Variants in MED12L observed in about 807,000 individuals in gnomAD.
MED12L encodes the protein mediator complex subunit 12L.
MED12L carries 60 observed loss-of-function variants against 281.3 expected under a neutral mutation model. The observed-to-expected ratio is 0.21, with a 90% CI of 0.17 to 0.26. The LOEUF (loss-of-function observed/expected upper bound fraction) is 0.26. Among genes scored for constraint, MED12L ranks in the 10% least tolerant of loss-of-function variants. The pLI, the probability that MED12L is intolerant of heterozygous loss-of-function variation, is 1.00. For synonymous variants in MED12L, 974 were observed against 987.2 expected (o/e 0.99, Z 0.25); for missense variants, 2,146 against 2,680.9 (o/e 0.80, Z 4.41).
chr3:151,313,112 T>TA (rs1333916158), intron 16 of MED12L, among the ~76,000 whole-genome samples: 1 of 152,178 alleles, frequency 6.6e-6, no homozygotes, highest in South Asian at 2.1e-4. Context: ...TTAACACCAC[T>TA]AATGAGGGGC....
rs150532538 is a variant in MED12L at position 151,281,371 on chromosome 3, C to T, written c.2251-68688C>T. On this transcript the variant is annotated intron_variant, in intron 16 of 44. Transcript: ENST00000687756. ...GTTGCAGTGAGCTGAGATTGCGCCA[C>T]TGTACTTCAGCCTGGGCAACAGAGT... is the stretch of plus-strand genomic sequence containing the variant. Among the ~76,000 whole-genome samples, 1,437 of 151,870 alleles carry T rather than the reference C, an allele frequency of 9.5e-3. 18 individuals are homozygous for T. The highest frequency in any genetic ancestry group is 0.033 in the African/African-American group (1,348 of 41,428).
At chr3:151,188,057 T>C (rs540473231) in intron 12 of MED12L, 24 of 184,910 alleles carry the variant, frequency 1.3e-4, no homozygotes, top group African/African-American at 4.2e-4. Flanking sequence ...TTTGAGTTGT[T>C]CTGGGGTAGT....
chr3:151,283,367 T>C (rs1264243800), intron 16 of MED12L, among the ~76,000 whole-genome samples: 1 of 152,252 alleles, frequency 6.6e-6, no homozygotes, highest in Non-Finnish European at 1.5e-5. Flanking sequence ...AATCAGAATT[T>C]AGAACTTTGT....
intron 43 of MED12L, among the ~76,000 whole-genome samples, chr3:151,423,387 A>G (rs1228167612): frequency 3.3e-5 from 5 of 152,180 alleles, no homozygotes; most frequent in Admixed American, 3.3e-4. Context: ...CTCAGGGCAG[A>G]AATTAGTGCT....
chr3:151,143,363 G>A (rs745453807), intron 5 of MED12L, among the ~76,000 whole-genome samples: 14 of 152,162 alleles, frequency 9.2e-5, no homozygotes, highest in Non-Finnish European at 1.8e-4. Context: ...CTATTGAAAC[G>A]TTACTCTAAC....
chr3:151,222,768 A>AT (rs985018326), intron 16 of MED12L, among the ~76,000 whole-genome samples: 14 of 152,066 alleles, frequency 9.2e-5, no homozygotes, highest in Non-Finnish European at 1.6e-4. Context: ...AGTTAGCATC[A>AT]TTTTTTTCCC....
At chr3:151,400,041 G>C (rs1183433379) in intron 39 of MED12L, among the ~76,000 whole-genome samples, 1 of 152,116 alleles carries the variant, frequency 6.6e-6, no homozygotes, top group Admixed American at 6.5e-5. Flanking sequence ...TGGCCAGGCT[G>C]GTCTCGAACT....
intron 5 of MED12L, among the ~76,000 whole-genome samples, chr3:151,130,300 C>T (rs935604551): frequency 9.2e-5 from 14 of 152,096 alleles, no homozygotes; most frequent in African/African-American, 3.1e-4. Flanking sequence ...AATTGTCATT[C>T]CTGGTATTTA....
At chr3:151,223,251 A>AT (rs1319277606) in intron 16 of MED12L, among the ~76,000 whole-genome samples, 5 of 151,918 alleles carry the variant, frequency 3.3e-5, no homozygotes, top group African/African-American at 9.7e-5. Flanking sequence ...GGGATTGTAA[A>AT]TTAGTTCAGT....
At chr3:151,293,482 A>C (rs1456431315) in intron 16 of MED12L, among the ~76,000 whole-genome samples, 1 of 151,790 alleles carries the variant, frequency 6.6e-6, no homozygotes, top group African/African-American at 2.4e-5. Flanking sequence ...CACAGAGAGG[A>C]GGCAGAAGCA....
intron 16 of MED12L, among the ~76,000 whole-genome samples, chr3:151,260,936 T>C (rs1001961646): frequency 3.9e-5 from 6 of 152,252 alleles, no homozygotes; most frequent in Middle Eastern, 6.8e-3. Context: ...GGCCTTCCAG[T>C]TTCCATCTCC....
intron 16 of MED12L, among the ~76,000 whole-genome samples, chr3:151,345,368 A>G (rs114983855): frequency 0.019 from 2,899 of 152,254 alleles, 122 homozygotes; most frequent in African/African-American, 0.066. Flanking sequence ...ACAACTGTGC[A>G]ACTTGAGGGC....
chr3:151,203,964 T>C (rs1726013407), intron 16 of MED12L, among the ~76,000 whole-genome samples: 1 of 152,222 alleles, frequency 6.6e-6, no homozygotes, highest in African/African-American at 2.4e-5. Flanking sequence ...ATTAATAGAT[T>C]GTGTGTAAAG....
chr3:151,301,243 G>A (rs1023059797), intron 16 of MED12L, among the ~76,000 whole-genome samples: 12 of 152,112 alleles, frequency 7.9e-5, no homozygotes, highest in Admixed American at 3.3e-4. Context: ...AATGACTGAC[G>A]CAGTTAATTT....
At chr3:151,197,030 T>G (rs1724756416) in intron 16 of MED12L, among the ~76,000 whole-genome samples, 1 of 152,222 alleles carries the variant, frequency 6.6e-6, no homozygotes, top group Admixed American at 6.5e-5. Flanking sequence ...TCTAAATTTT[T>G]CCAATATTCT....
rs572242322 is a variant in MED12L, at chr3:151,403,698, G to A, written c.5821-5545G>A. Among the ~76,000 whole-genome samples, 93 of 152,182 alleles carry A rather than the reference G, an allele frequency of 6.1e-4. 1 individual carries two copies. Among genetic ancestry groups the A allele is most frequent in the African/African-American group, 2.1e-3 (89 of 41,546 alleles). On this transcript the variant is annotated intron_variant, in intron 39 of 44. Transcript: ENST00000687756. ...CACAACATAAACCCAAGAAGCATTA[G>A]AATAAAAAAGAGCACACATCTCAGA...
chr3:151,391,390 T>G (rs1241054067), intron 38 of MED12L, among the ~76,000 whole-genome samples: 5 of 152,144 alleles, frequency 3.3e-5, no homozygotes, highest in Admixed American at 3.3e-4. Flanking sequence ...CTTGGTCACA[T>G]TACTTTCTCA....
intron 16 of MED12L, among the ~76,000 whole-genome samples, chr3:151,325,117 G>A (rs952066005): frequency 6.6e-6 from 1 of 152,130 alleles, no homozygotes; most frequent in African/African-American, 2.4e-5. Context: ...GAAATAATGG[G>A]ATTAATAAGA....
intron 35 of MED12L, 35 bp from the exon 36 acceptor site, chr3:151,384,995 A>T: frequency 8.7e-7 from 1 of 1,154,564 alleles, no homozygotes; most frequent in Non-Finnish European, 1.3e-6. Context: ...TTTCTGTCCC[A>T]CTTCTCACTC....
Sources: gnomAD v4.1 joint callset for allele counts (sites outside exome capture counted in the v4.1 genomes callset) on GRCh38, gnomAD v4.1.1 for gene constraint, MANE v1.5 for transcripts, NCBI Gene and HGNC (gene_info 2026-07-23, HGNC 2026-07-21) for gene names.